ARHGEF19: variants seen among roughly 807,000 people sequenced by gnomAD.
ARHGEF19 encodes the protein Rho guanine nucleotide exchange factor 19.
In ARHGEF19, 92 loss-of-function variants were observed where a neutral mutation model predicts 87.6. The observed-to-expected ratio is 1.05, with a 90% CI of 0.89 to 1.25. The LOEUF is 1.25. ARHGEF19 is among the 50% of genes most tolerant of loss of function. ARHGEF19 has a pLI of 0.00. For missense variants in ARHGEF19, 1,054 were observed against 1,051.8 expected, an observed-to-expected ratio of 1.00 and a Z score of -0.03; for synonymous variants, 438 against 446.2, an observed-to-expected ratio of 0.98 and a Z score of 0.23.
rs1304597315 is a variant in ARHGEF19 at position 16,206,750 on chromosome 1, T to C, written c.1137+198A>G. On this transcript the variant is annotated intron_variant, in intron 6 of 15. Transcript: ENST00000270747. This position sits in a 1 kb window ranked among gnomAD's most constrained non-coding sequence, Gnocchi z 4.6. ...GCACCCAAGCCCGGCTCCCCTCGCC[T>C]CTCGCTCAGCGGCTTGCTGTCCTCG... is the stretch of plus-strand genomic sequence containing the variant. Among the ~76,000 whole-genome samples, 1 of 151,070 alleles carries C rather than the reference T, an allele frequency of 6.6e-6. No individual in the cohort carries two copies. Among genetic ancestry groups the C allele is most frequent in the African/African-American group, 2.4e-5 (1 of 40,932 alleles).
Position 16,207,955 on chromosome 1 carries a change from G to T in ARHGEF19, c.683C>A (p.Ala228Glu), listed in dbSNP as rs367723648. The change falls in exon 3 of 16, where the codon GCA becomes GAA. Residue 228 changes from alanine (A) to glutamate (E), a missense_variant. Ala to Glu is a moderately radical substitution (Grantham distance 107). Coordinates refer to ENST00000270747, the MANE Select transcript of ARHGEF19 (RefSeq NM_153213.5). The surrounding 1 kb of genome is among the most constrained non-coding windows in gnomAD (Gnocchi z 4.0). ...GGAGGAGCTGGTACCTTCCCGGGCT[G>T]CTCCGGTGCCTGACCCAGAGATGAG... ...RALISGSGTG[A>E]AREGKASGME... 15 of 1,609,294 alleles carry T rather than the reference G, an allele frequency of 9.3e-6. No individual in the cohort carries two copies. The highest frequency in any genetic ancestry group is 1.7e-5 in the Admixed American group (1 of 59,892).
Position 16,206,955 on chromosome 1 carries a change from A to C in ARHGEF19, c.1130T>G (p.Leu377Arg), listed in dbSNP as rs1172126593. The C allele has an allele frequency of 6.8e-7, 1 of 1,474,028 alleles. No individual in the cohort carries two copies. The highest frequency in any genetic ancestry group is 8.9e-7 in the Non-Finnish European group (1 of 1,119,902). 91.3% of individuals were successfully genotyped at this position (1,474,028 alleles called of 1,614,324 possible). A position where few individuals can be genotyped will look rare whatever the true frequency, so the allele number is the denominator to read the frequency against. ...GTCCCCGCGCGCGCCCACCTCCTGCAGCTTGCAGTCCCGCAGGCTCAGCGT... is the reference window on the plus strand; with the variant it reads ...GTCCCCGCGCGCGCCCACCTCCTGCCGCTTGCAGTCCCGCAGGCTCAGCGT... ...LATLSLRDCK[L>R]QEAKFELITS... The change falls in exon 6 of 16, where the codon CTG becomes CGG. Residue 377 changes from leucine to arginine, a missense_variant. Transcript: ENST00000270747. This position sits in a 1 kb window ranked among gnomAD's most constrained non-coding sequence, Gnocchi z 4.6.
rs201803513 is a variant in ARHGEF19 at position 16,208,085 on chromosome 1, G to A, written c.553C>T (p.Arg185Ter). Residue 185 changes from arginine (R) to a stop codon, truncating the protein, a stop_gained, in exon 3 of 16, where the codon CGA becomes TGA. Transcript: ENST00000270747. LOFTEE classifies it high-confidence loss of function. ...EPRVELSGST[R>*]VSLEGPERRR... ...CGCTCAGGACCTTCGAGGCTCACTCGGGTGGACCCAGACAACTCCACCCTG... is the reference window on the plus strand; with the variant it reads ...CGCTCAGGACCTTCGAGGCTCACTCAGGTGGACCCAGACAACTCCACCCTG... The A allele has an allele frequency of 1.5e-5, 24 of 1,613,978 alleles. No homozygotes were observed. Among genetic ancestry groups the A allele is most frequent in the East Asian group, 2.2e-5 (1 of 44,870 alleles).
In ARHGEF19 at chr1:16,208,797, A is replaced by G. The variant is rs779833469; in HGVS notation, c.258T>C (p.Asp86=). ...GCATCCCCCCGCTGGTGATCTCTGT[A>G]TCTGAGCCTCCTGGGGATAATGGCC... ...LLWPLSPGGS[D]TEITSGGMRP... Residue 86 remains aspartate (D), a synonymous_variant, in exon 2 of 16, where the codon GAT becomes GAC. Coordinates refer to ENST00000270747, the MANE Select transcript of ARHGEF19 (RefSeq NM_153213.5). 1.2e-6 allele frequency: 2 copies of G among 1,613,572 alleles called. No individual in the cohort carries two copies. The highest frequency in any genetic ancestry group is 1.1e-5 in the South Asian group (1 of 91,032).
chr1:16,209,252 C>A (rs960536010), intron 1 of ARHGEF19, among the ~76,000 whole-genome samples, 169 bp from the exon 2 acceptor site: 1 of 152,202 alleles, frequency 6.6e-6, no homozygotes, highest in Non-Finnish European at 1.5e-5. Flanking sequence ...CTTGGCATTG[C>A]CTGAATGATA....
Position 16,208,854 on chromosome 1 carries a change from C to T in ARHGEF19, c.201G>A (p.Leu67=), listed in dbSNP as rs753045744. ...ACCCTTGGAGAGGGGCAGGGGTCCC[C>T]AGGGACCAGCGGCTGCCAGGAGCCC... is the stretch of plus-strand genomic sequence containing the variant. ...ELRAPGSRWS[L]GTPAPLQGLL... The change falls in exon 2 of 16, where the codon CTG becomes CTA. Residue 67 remains leucine, a synonymous_variant. Transcript: ENST00000270747. 5.0e-6 allele frequency: 8 copies of T among 1,607,976 alleles called. No homozygotes were observed. The African/African-American group carries it at 9.4e-5, about 19-fold the overall frequency.
chr1:16,204,955 G>T, intron 11 of ARHGEF19, 36 bp from the exon 12 acceptor site: 1 of 1,582,272 alleles, frequency 6.3e-7, no homozygotes, highest in East Asian at 2.3e-5. Flanking sequence ...AGGCCCAGGG[G>T]CACCAGGCAG....
In ARHGEF19 at chr1:16,207,228, G is replaced by C. The variant is rs1463420162; in HGVS notation, c.875-18C>G. ...GAGGACGGCTGGGGGAAAGACGGGCGGGGGAGAGCGTGGGGCGCCCGCCAG... is the reference window on the plus strand; with the variant it reads ...GAGGACGGCTGGGGGAAAGACGGGCCGGGGAGAGCGTGGGGCGCCCGCCAG... On this transcript the variant is annotated intron_variant, in intron 5 of 15. Transcript: ENST00000270747. The surrounding 1 kb of genome is among the most constrained non-coding windows in gnomAD (Gnocchi z 4.0). 1.3e-6 allele frequency: 2 copies of C among 1,490,992 alleles called. No homozygotes were observed. The highest frequency in any genetic ancestry group is 2.3e-5 in the Admixed American group (1 of 42,858). 92.4% of individuals were successfully genotyped at this position (1,490,992 alleles called of 1,614,324 possible). A position where few individuals can be genotyped will look rare whatever the true frequency, so the allele number is the denominator to read the frequency against.
At chr1:16,203,835 TAC>T (rs1381385901) in intron 12 of ARHGEF19, among the ~76,000 whole-genome samples, 2 of 152,204 alleles carry the variant, frequency 1.3e-5, no homozygotes, top group Non-Finnish European at 2.9e-5. Flanking sequence ...AATACCGCAG[TAC>T]ACCCTTATAT....
chr1:16,206,142 C>T lies in ARHGEF19; in HGVS notation c.1298+38G>A, dbSNP rs2100278259. 1.9e-6 allele frequency: 3 copies of T among 1,581,722 alleles called. No homozygotes were observed. The highest frequency in any genetic ancestry group is 2.6e-6 in the Non-Finnish European group (3 of 1,162,328). Reference sequence around the variant, plus strand: ...TCTGGGAGCTGGCCAACCACTGGCTCCGTCCCCACCCCGGGCCAGGCCAGA... The same window carrying T: ...TCTGGGAGCTGGCCAACCACTGGCTTCGTCCCCACCCCGGGCCAGGCCAGA... On this transcript the variant is annotated intron_variant, in intron 7 of 15. Coordinates refer to ENST00000270747, the MANE Select transcript of ARHGEF19 (RefSeq NM_153213.5). This position sits in a 1 kb window ranked among gnomAD's most constrained non-coding sequence, Gnocchi z 4.6.
chr1:16,201,012 G>C (rs1011293550), intron 14 of ARHGEF19, among the ~76,000 whole-genome samples: 1 of 152,200 alleles, frequency 6.6e-6, no homozygotes, highest in Non-Finnish European at 1.5e-5. Flanking sequence ...CCAGGAGTTT[G>C]AGGCCAGGCT....
Position 16,206,359 on chromosome 1 carries a change from G to A in ARHGEF19, c.1138-19C>T, listed in dbSNP as rs1445120760. On this transcript the variant is annotated intron_variant, in intron 6 of 15. Transcript: ENST00000270747. This position sits in a 1 kb window ranked among gnomAD's most constrained non-coding sequence, Gnocchi z 4.6. ...ACTTGGCCTGAGGGAGGGCACACAC[G>A]GGGTCGAAAGGGCAGGACCAGTTCA... 14 of 1,567,670 alleles carry A rather than the reference G, an allele frequency of 8.9e-6. No individual in the cohort carries two copies. Among genetic ancestry groups the A allele is most frequent in the Admixed American group, 3.9e-5 (2 of 51,676 alleles).
At chr1:16,208,565 A>T in intron 2 of ARHGEF19, 78 bp downstream of exon 2, 1 of 1,469,870 alleles carries the variant, frequency 6.8e-7, no homozygotes, top group South Asian at 1.3e-5. Context: ...CTTGGGACAT[A>T]AAGGTTAAGG....
intron 1 of ARHGEF19, among the ~76,000 whole-genome samples, chr1:16,211,954 A>T (rs560545556): frequency 7.4e-4 from 112 of 152,366 alleles, no homozygotes; most frequent in Non-Finnish European, 1.4e-3. Context: ...GACACTGACC[A>T]GCTGTGTGGC....
rs780503276 is a variant in ARHGEF19, at chr1:16,207,227, C to G, written c.875-17G>C. The G allele has an allele frequency of 3.1e-5, 46 of 1,484,856 alleles. No individual in the cohort carries two copies. In the African/African-American group the frequency reaches 5.1e-4, roughly 16 times the overall value. 92.0% of individuals were successfully genotyped at this position (1,484,856 alleles called of 1,614,324 possible). ...AGAGGACGGCTGGGGGAAAGACGGG[C>G]GGGGGAGAGCGTGGGGCGCCCGCCA... On this transcript the variant is annotated splice_polypyrimidine_tract_variant and intron_variant, in intron 5 of 15. Transcript: ENST00000270747. This position sits in a 1 kb window ranked among gnomAD's most constrained non-coding sequence, Gnocchi z 4.0.
Position 16,199,213 on chromosome 1 carries a change from G to T in ARHGEF19, c.2188C>A (p.His730Asn). Reference protein sequence around the residue: ...VQCVRTYKALHPDELTLEKTD... With the variant: ...VQCVRTYKALNPDELTLEKTD... ...TTCTCCAAGGTCAGCTCATCTGGGT[G>T]CAGTGCCTTGTATGTCCTAACACAC... is the stretch of plus-strand genomic sequence containing the variant. Residue 730 changes from histidine to asparagine, a missense_variant, in exon 15 of 16, where the codon CAC becomes AAC. Physicochemically the swap from His to Asn is moderately conservative, Grantham distance 68 (BLOSUM62 1). Transcript: ENST00000270747. 1.2e-6 allele frequency: 2 copies of T among 1,614,076 alleles called. No homozygotes were observed. Among genetic ancestry groups the T allele is most frequent in the Non-Finnish European group, 1.7e-6 (2 of 1,179,966 alleles).
rs757215163 is a variant in ARHGEF19 at position 16,206,208 on chromosome 1, G to A, written c.1270C>T (p.Leu424=). ...AQDKQWLFSK[L]PEVKSTSERF... ...TCGCTGGTGCTCTTGACCTCGGGCA[G>A]TTTGGAAAACAGCCACTGCTTGTCC... The change falls in exon 7 of 16, where the codon CTG becomes TTG. Residue 424 remains leucine (L), a synonymous_variant. Coordinates refer to ENST00000270747, the MANE Select transcript of ARHGEF19 (RefSeq NM_153213.5). This position sits in a 1 kb window ranked among gnomAD's most constrained non-coding sequence, Gnocchi z 4.6. 1.4e-5 allele frequency: 23 copies of A among 1,598,994 alleles called. No individual in the cohort carries two copies. The highest frequency in any genetic ancestry group is 9.0e-5 in the South Asian group (8 of 88,790).
intron 12 of ARHGEF19, 136 bp from the exon 13 acceptor site, chr1:16,202,710 C>T: frequency 8.6e-7 from 1 of 1,157,784 alleles, no homozygotes; most frequent in South Asian, 1.5e-5. Flanking sequence ...CAGGGTCCTG[C>T]TTCTGGATAG....
chr1:16,201,694 T>C, intron 14 of ARHGEF19, 88 bp downstream of exon 14: 1 of 1,439,270 alleles, frequency 6.9e-7, no homozygotes, highest in Non-Finnish European at 9.4e-7. Flanking sequence ...CCCATAGCCC[T>C]GCCAGCAACA....
Sources: allele counts gnomAD v4.1 joint callset (sites outside exome capture counted in the v4.1 genomes callset), GRCh38; gene constraint gnomAD v4.1.1; non-coding constraint Gnocchi (gnomAD v3.1); transcripts MANE v1.5; gene names NCBI Gene and HGNC (gene_info 2026-07-23, HGNC 2026-07-21).